INSL6: variants seen among roughly 807,000 people sequenced by gnomAD.
INSL6 encodes insulin-like peptide INSL6.
Under a neutral mutation model 9.4 loss-of-function variants are expected in INSL6, and 16 were observed. The observed-to-expected ratio is 1.70, with a 90% CI of 1.15 to 2.59. The LOEUF is 2.59. INSL6 is among the 30% of genes most tolerant of loss of function. The pLI, the probability that INSL6 is intolerant of heterozygous loss-of-function variation, is 0.00. For synonymous variants in INSL6, 154 were observed against 96.9 expected, an observed-to-expected ratio of 1.59 and a Z score of -3.46; for missense variants, 391 against 257.3, an observed-to-expected ratio of 1.52 and a Z score of -3.56.
the INSL6 span, among the ~76,000 whole-genome samples, chr9:5,072,298 G>C: frequency 6.6e-6 from 1 of 152,070 alleles, no homozygotes; most frequent in African/African-American, 2.4e-5. Context: ...ATTAATCCTT[G>C]TTTTCTGTCT....
chr9:5,090,870 A>C, the INSL6 span: 5 of 1,611,970 alleles, frequency 3.1e-6, no homozygotes, highest in African/African-American at 6.7e-5. Context: ...AAGACAAAGA[A>C]TACTATAAAG....
the INSL6 span, among the ~76,000 whole-genome samples, chr9:5,035,155 C>G: frequency 1.3e-5 from 2 of 152,172 alleles, no homozygotes; most frequent in Non-Finnish European, 2.9e-5. Flanking sequence ...AATTCCTGGA[C>G]ACATACACCC....
the INSL6 span, among the ~76,000 whole-genome samples, chr9:5,117,851 C>G: frequency 6.6e-6 from 1 of 152,076 alleles, no homozygotes; most frequent in African/African-American, 2.4e-5. Context: ...TAATGAGAGG[C>G]TAATAGTAGA....
chr9:5,181,494 G>A (rs368451522), intron 1 of INSL6, among the ~76,000 whole-genome samples: 4 of 151,914 alleles, frequency 2.6e-5, no homozygotes, highest in Admixed American at 1.3e-4. Flanking sequence ...TATTCCTACC[G>A]AGACCAGAAC....
At chr9:5,162,759 G>A (rs551410730), downstream of INSL6, among the ~76,000 whole-genome samples, 16 of 152,202 alleles carry the variant, frequency 1.1e-4, no homozygotes, top group Non-Finnish European at 1.5e-4. Flanking sequence ...AGATATAAGT[G>A]GAAAAGAACC....
chr9:5,061,863 G>A, the INSL6 span, among the ~76,000 whole-genome samples: 1 of 152,168 alleles, frequency 6.6e-6, no homozygotes, highest in Non-Finnish European at 1.5e-5. Context: ...TGAGAGATGG[G>A]TGAATCTTCC....
At chr9:5,094,396 A>C in the INSL6 span, 2 of 152,254 alleles carry the variant, frequency 1.3e-5, no homozygotes. Context: ...TATTCTAGCC[A>C]CATCAAGCCT....
intron 3 of INSL6, among the ~76,000 whole-genome samples, chr9:5,124,986 A>G (rs1002957479): frequency 6.6e-6 from 1 of 151,552 alleles, no homozygotes; most frequent in Admixed American, 6.6e-5. Flanking sequence ...GTCTCTTAAT[A>G]TTACTTTTAT....
At chr9:5,037,894 A>G in the INSL6 span, among the ~76,000 whole-genome samples, 1 of 152,196 alleles carries the variant, frequency 6.6e-6, no homozygotes, top group Non-Finnish European at 1.5e-5. Flanking sequence ...AGATAGTTTC[A>G]ACAAATCAAA....
At chr9:5,084,624 C>G in the INSL6 span, among the ~76,000 whole-genome samples, 1 of 152,178 alleles carries the variant, frequency 6.6e-6, no homozygotes, top group African/African-American at 2.4e-5. Flanking sequence ...TATTTGAAAT[C>G]TAGAGTGTTT....
chr9:5,069,014 T>C, the INSL6 span: 1 of 1,532,596 alleles, frequency 6.5e-7, no homozygotes. Context: ...ATAATTAAAC[T>C]TATACAGCGA....
chr9:5,116,854 C>T, the INSL6 span, among the ~76,000 whole-genome samples: 2 of 152,158 alleles, frequency 1.3e-5, no homozygotes, highest in South Asian at 2.1e-4. Context: ...TAATATGGCA[C>T]TTTCAATAAT....
At chr9:5,141,569 T>G (rs973443983) in intron 2 of INSL6, among the ~76,000 whole-genome samples, 1 of 151,896 alleles carries the variant, frequency 6.6e-6, no homozygotes, top group Non-Finnish European at 1.5e-5. Flanking sequence ...ATTTAATGGG[T>G]TTTTTCTTTT....
intron 1 of INSL6, among the ~76,000 whole-genome samples, chr9:5,169,317 C>G (rs1825128980): frequency 6.6e-6 from 1 of 152,154 alleles, no homozygotes. Context: ...TCCAAACAAG[C>G]AAATTCTGAG....
intron 1 of INSL6, among the ~76,000 whole-genome samples, chr9:5,178,383 A>G (rs1363510805): frequency 6.6e-6 from 1 of 152,232 alleles, no homozygotes; most frequent in African/African-American, 2.4e-5. Flanking sequence ...AGGGTTCCCC[A>G]GAAGGCAGTA....
intron 2 of INSL6, among the ~76,000 whole-genome samples, chr9:5,134,519 G>A (rs1326566161): frequency 6.6e-6 from 1 of 152,206 alleles, no homozygotes; most frequent in Admixed American, 6.5e-5. Context: ...CAAGCCAGAA[G>A]AGAGTGGGGG....
chr9:5,082,827 C>G, the INSL6 span, among the ~76,000 whole-genome samples: 1 of 152,340 alleles, frequency 6.6e-6, no homozygotes, highest in South Asian at 2.1e-4. Context: ...AGCCTTAAAC[C>G]TTGATTCCAT....
chr9:5,114,972 G>A, the INSL6 span, among the ~76,000 whole-genome samples: 1 of 152,100 alleles, frequency 6.6e-6, no homozygotes, highest in Non-Finnish European at 1.5e-5. Context: ...AACCCTAGAG[G>A]AAAACCTAGG....
At position 5,166,243 on chromosome 9, in the gene INSL6, T is replaced by A. The variant is rs994772664; in HGVS notation, c.290-1978A>T. Among the ~76,000 whole-genome samples the A allele has an allele frequency of 2.0e-5, 3 of 152,192 alleles. 1 individual carries two copies. The highest frequency in any genetic ancestry group is 4.1e-4 in the South Asian group (2 of 4,826). Reference sequence around the variant, plus strand: ...TGTTTTGTTTTTTTAAGAGGTAATATGATTTCTTAGGCTTTACAAAGTCTT... The same window carrying A: ...TGTTTTGTTTTTTTAAGAGGTAATAAGATTTCTTAGGCTTTACAAAGTCTT... On this transcript the variant is annotated intron_variant, in intron 1 of 1. Coordinates refer to ENST00000381641, the MANE Select transcript of INSL6 (RefSeq NM_007179.3).
Sources: allele counts gnomAD v4.1 joint callset (sites outside exome capture counted in the v4.1 genomes callset), GRCh38; gene constraint gnomAD v4.1.1; transcripts MANE v1.5; gene names NCBI Gene and HGNC (gene_info 2026-07-23, HGNC 2026-07-21).